Variants in EFCAB5 observed in about 807,000 individuals in gnomAD.
The protein encoded by EFCAB5 is EF-hand calcium binding domain 5.
In EFCAB5, 131 loss-of-function variants were observed where a neutral mutation model predicts 167.9. The observed-to-expected ratio is 0.78, with a 90% CI of 0.68 to 0.90. The LOEUF (loss-of-function observed/expected upper bound fraction) is 0.90, where lower values mean the gene tolerates loss of function less well. EFCAB5 is among the 40% of genes least tolerant of loss of function. The probability of loss-of-function intolerance (pLI) is 0.00; values close to 1 mark genes in which losing one functional copy is unlikely to be tolerated. For missense variants in EFCAB5, 1,663 were observed against 1,745.2 expected, an observed-to-expected ratio of 0.95 and a Z score of 0.84; for synonymous variants, 574 against 602.8, an observed-to-expected ratio of 0.95 and a Z score of 0.70.
At position 30,090,486 on chromosome 17, in the gene EFCAB5, A is replaced by C; in HGVS notation, c.3749A>C (p.His1250Pro). 6.2e-7 allele frequency: 1 copy of C among 1,614,002 alleles called. No individual in the cohort carries two copies. Among genetic ancestry groups the C allele is most frequent in the Non-Finnish European group, 8.5e-7 (1 of 1,179,884 alleles). The change falls in exon 20 of 23, where the codon CAT becomes CCT. Residue 1250 changes from histidine to proline, a missense_variant. Transcript: ENST00000394835. ...VVLASACGET[H>P]IVVPLRERTG... is the part of the protein sequence containing the mutation. ...CTGGCTTCTGCCTGTGGAGAAACGCATATAGTAGTTCCACTTCGTGAGAGA... is the reference window on the plus strand; with the variant it reads ...CTGGCTTCTGCCTGTGGAGAAACGCCTATAGTAGTTCCACTTCGTGAGAGA...
At chr17:30,018,620 T>C (rs2069103984) in intron 7 of EFCAB5, among the ~76,000 whole-genome samples, 1 of 152,162 alleles carries the variant, frequency 6.6e-6, no homozygotes, top group African/African-American at 2.4e-5. Flanking sequence ...CTGAATTCAC[T>C]GTGATAATCT....
intron 3 of EFCAB5, among the ~76,000 whole-genome samples, chr17:29,950,804 CAGT>C (rs2067493869): frequency 6.6e-6 from 1 of 152,168 alleles, no homozygotes; most frequent in Non-Finnish European, 1.5e-5. Flanking sequence ...TTCTGGTCAA[CAGT>C]AGGCTACTAG....
At chr17:30,001,956 A>G (rs2068671588) in intron 7 of EFCAB5, among the ~76,000 whole-genome samples, 2 of 152,202 alleles carry the variant, frequency 1.3e-5, no homozygotes, top group African/African-American at 4.8e-5. Flanking sequence ...TAAGTGACAG[A>G]GCTAGACTAG....
chr17:29,934,177 C>A (rs1333306020), intron 1 of EFCAB5, among the ~76,000 whole-genome samples: 1 of 152,104 alleles, frequency 6.6e-6, no homozygotes, highest in East Asian at 1.9e-4. Context: ...GACAGTTTAA[C>A]AGTGATGTCT....
At position 30,002,688 on chromosome 17, in the gene EFCAB5, T is replaced by G. The variant is rs532197524; in HGVS notation, c.1044+2712T>G. On this transcript the variant is annotated intron_variant, in intron 7 of 22. Transcript: ENST00000394835. ...GTTCTTCCTTCCCGATGTTTCAAGA[T>G]TCCTTCTTTTATGCACTCTATTTAG... is the stretch of plus-strand genomic sequence containing the variant. Among the ~76,000 whole-genome samples, 6 of 152,312 alleles carry G rather than the reference T, an allele frequency of 3.9e-5. No individual in the cohort carries two copies. In the South Asian group the frequency reaches 8.3e-4, roughly 21 times the overall value.
intron 7 of EFCAB5, among the ~76,000 whole-genome samples, chr17:30,002,712 A>G (rs2151659117): frequency 6.6e-6 from 1 of 152,288 alleles, no homozygotes; most frequent in Non-Finnish European, 1.5e-5. Flanking sequence ...CACTCTATTT[A>G]GAGAATTTCT....
chr17:30,043,193 C>T (rs2069822717), intron 8 of EFCAB5, among the ~76,000 whole-genome samples: 1 of 152,098 alleles, frequency 6.6e-6, no homozygotes. Flanking sequence ...TGACAAAATT[C>T]AACACTCATT....
chr17:30,011,736 A>G (rs1386063034), intron 7 of EFCAB5, among the ~76,000 whole-genome samples: 1 of 152,158 alleles, frequency 6.6e-6, no homozygotes, highest in Non-Finnish European at 1.5e-5. Context: ...TAAATATACA[A>G]TCGTGTCATC....
At chr17:30,029,714 T>C (rs1339867756) in intron 7 of EFCAB5, among the ~76,000 whole-genome samples, 1 of 152,180 alleles carries the variant, frequency 6.6e-6, no homozygotes, top group Non-Finnish European at 1.5e-5. Flanking sequence ...CCTCGTATAC[T>C]ACCAGGGCTT....
intron 7 of EFCAB5, among the ~76,000 whole-genome samples, chr17:30,002,155 A>C (rs137874894): frequency 1.8e-3 from 268 of 152,304 alleles, no homozygotes; most frequent in Non-Finnish European, 3.2e-3. Flanking sequence ...TCTCTATGTC[A>C]ATAAATATTC....
At chr17:29,971,104 T>C (rs2067946117) in intron 4 of EFCAB5, among the ~76,000 whole-genome samples, 1 of 152,160 alleles carries the variant, frequency 6.6e-6, no homozygotes, top group Non-Finnish European at 1.5e-5. Flanking sequence ...ATGTAGGTTT[T>C]GTATCTCTTT....
intron 9 of EFCAB5, 86 bp downstream of exon 9, chr17:30,051,303 A>C: frequency 9.0e-7 from 1 of 1,109,250 alleles, no homozygotes. Flanking sequence ...ATATGTTAAC[A>C]CAAGATTATT....
At chr17:30,035,584 C>A (rs1246190371) in intron 8 of EFCAB5, among the ~76,000 whole-genome samples, 1 of 152,132 alleles carries the variant, frequency 6.6e-6, no homozygotes, top group African/African-American at 2.4e-5. Flanking sequence ...CCCAAAGAAG[C>A]AGTTAGAGCC....
intron 6 of EFCAB5, among the ~76,000 whole-genome samples, chr17:29,996,968 G>A (rs979154007): frequency 6.6e-6 from 1 of 152,000 alleles, no homozygotes; most frequent in African/African-American, 2.4e-5. Flanking sequence ...TTCAGAGGCC[G>A]GGCACAGTGG....
chr17:29,979,425 A>G (rs2068127719), intron 4 of EFCAB5, among the ~76,000 whole-genome samples: 1 of 152,162 alleles, frequency 6.6e-6, no homozygotes. Context: ...ATATAGTCAC[A>G]ATGACCACTA....
intron 4 of EFCAB5, among the ~76,000 whole-genome samples, chr17:29,976,319 T>C (rs2068063129): frequency 6.6e-6 from 1 of 152,174 alleles, no homozygotes; most frequent in African/African-American, 2.4e-5. Flanking sequence ...TTAGGGTCAT[T>C]TGAGGCTTGG....
At chr17:29,940,198 C>T (rs947401573), upstream of EFCAB5, among the ~76,000 whole-genome samples, 5 of 152,178 alleles carry the variant, frequency 3.3e-5, no homozygotes, top group African/African-American at 7.2e-5. Flanking sequence ...GCCTCAGCCT[C>T]CTGCGTAGCT....
intron 1 of EFCAB5, among the ~76,000 whole-genome samples, chr17:29,933,423 G>T (rs574403832): frequency 6.6e-6 from 1 of 152,264 alleles, no homozygotes; most frequent in South Asian, 2.1e-4. Context: ...CTCCACCCTG[G>T]TTCCTCCTAG....
At chr17:30,100,776 A>T (rs1486965185) in intron 22 of EFCAB5, among the ~76,000 whole-genome samples, 1 of 151,882 alleles carries the variant, frequency 6.6e-6, no homozygotes, top group African/African-American at 2.4e-5. Flanking sequence ...AAAAAAAAAA[A>T]GGTGAGATTT....
Sources: gnomAD v4.1 joint callset for allele counts (sites outside exome capture counted in the v4.1 genomes callset) on GRCh38, gnomAD v4.1.1 for gene constraint, MANE v1.5 for transcripts, NCBI Gene and HGNC (gene_info 2026-07-23, HGNC 2026-07-21) for gene names.